BUB1: variants seen among roughly 807,000 people sequenced by gnomAD.
BUB1 encodes BUB1 mitotic checkpoint serine/threonine kinase.
BUB1 carries 84 observed loss-of-function variants against 135.2 expected under a neutral mutation model. That is an observed-to-expected ratio of 0.62 (90% CI 0.52 to 0.74). The LOEUF is 0.74. BUB1 is among the 30% of genes least tolerant of loss of function. The pLI, the probability that BUB1 is intolerant of heterozygous loss-of-function variation, is 0.00. For missense variants in BUB1, 1,162 were observed against 1,288.3 expected (o/e 0.90, Z 1.50); for synonymous variants, 403 against 434.4 (o/e 0.93, Z 0.90).
At position 110,678,048 on chromosome 2, in the gene BUB1, C is replaced by T; in HGVS notation, c.-53G>A. 6.4e-7 allele frequency: 1 copy of T among 1,564,498 alleles called. No individual in the cohort carries two copies. The highest frequency in any genetic ancestry group is 8.6e-7 in the Non-Finnish European group (1 of 1,157,676). ...CAAACCTGAACCGCAAACTAGAAGC[C>T]GCCGCCGATTCGAATACCCCGCGCA... On this transcript the variant is annotated 5_prime_UTR_variant, in exon 1 of 25. Transcript: ENST00000302759.
chr2:110,667,482 G>A, intron 8 of BUB1, 39 bp downstream of exon 8: 1 of 1,547,588 alleles, frequency 6.5e-7, no homozygotes, highest in East Asian at 2.3e-5. Flanking sequence ...ATTTTTTTAT[G>A]TGACATAAGA....
intron 1 of BUB1, among the ~76,000 whole-genome samples, chr2:110,675,849 C>G (rs1690566702): frequency 6.6e-6 from 1 of 152,112 alleles, no homozygotes; most frequent in Non-Finnish European, 1.5e-5. Flanking sequence ...TGAGGTATCA[C>G]TATATTTCGC....
chr2:110,639,974 G>C, intron 23 of BUB1, 126 bp from the exon 24 acceptor site: 2 of 821,750 alleles, frequency 2.4e-6, no homozygotes, highest in Non-Finnish European at 4.2e-6. Flanking sequence ...CATTTTGGAA[G>C]GCATTTGTTC....
At chr2:110,670,906 T>C (rs1481200771) in intron 4 of BUB1, among the ~76,000 whole-genome samples, 3 of 152,240 alleles carry the variant, frequency 2.0e-5, no homozygotes, top group Non-Finnish European at 2.9e-5. Context: ...TTAGGTTCTT[T>C]ATACATTTGG....
intron 9 of BUB1, 158 bp downstream of exon 9, chr2:110,666,105 T>C (rs1690244638): frequency 1.5e-6 from 1 of 672,088 alleles, no homozygotes; most frequent in Non-Finnish European, 2.1e-6. Flanking sequence ...ACTCTCACTC[T>C]ACATTGTGAA....
intron 18 of BUB1, among the ~76,000 whole-genome samples, chr2:110,649,831 G>A (rs1248941080): frequency 1.3e-5 from 2 of 152,202 alleles, no homozygotes; most frequent in Non-Finnish European, 2.9e-5. Context: ...TATACTTTGG[G>A]TCCACAAAAG....
chr2:110,647,469 A>C (rs1689671599), intron 19 of BUB1, among the ~76,000 whole-genome samples: 1 of 152,200 alleles, frequency 6.6e-6, no homozygotes, highest in African/African-American at 2.4e-5. Context: ...AATCCATCAC[A>C]TCAACAAAGA....
chr2:110,644,239 C>T (rs918612302), intron 19 of BUB1, among the ~76,000 whole-genome samples: 1 of 151,794 alleles, frequency 6.6e-6, no homozygotes, highest in Admixed American at 6.6e-5. Context: ...AATCCCAGCA[C>T]TTTGGGAGGC....
intron 16 of BUB1, 127 bp from the exon 17 acceptor site, chr2:110,653,650 G>A: frequency 2.7e-6 from 2 of 740,246 alleles, no homozygotes; most frequent in Non-Finnish European, 4.4e-6. Flanking sequence ...TTTCAAAATA[G>A]TGTTCCATTG....
At chr2:110,650,289 G>C (rs953203406) in intron 18 of BUB1, among the ~76,000 whole-genome samples, 15 of 152,070 alleles carry the variant, frequency 9.9e-5, no homozygotes, top group African/African-American at 3.6e-4. Context: ...TAAAAGCCTG[G>C]CACGTAGTAG....
Position 110,641,191 on chromosome 2 carries a change from T to A in BUB1, c.2798A>T (p.Asp933Val), listed in dbSNP as rs200156187. The stretch of plus-strand genomic sequence containing the variant: ...GCCAGCAGATAAATCATCTTCATCA[T>A]CCTGTTCCAAAAATCTATATTAAAC... ...FILGNGFLEQDDEDDLSAGLA... is the reference protein window; with the variant it reads ...FILGNGFLEQVDEDDLSAGLA... Residue 933 changes from aspartate to valine, a missense_variant, in exon 23 of 25, where the codon GAT becomes GTT. Coordinates refer to ENST00000302759, the MANE Select transcript of BUB1 (RefSeq NM_004336.5). The A allele has an allele frequency of 9.4e-6, 15 of 1,600,400 alleles. No homozygotes were observed. The Middle Eastern group carries it at 1.0e-3, about 108-fold the overall frequency.
At chr2:110,659,908 C>T in intron 11 of BUB1, 70 bp downstream of exon 11, 1 of 1,378,506 alleles carries the variant, frequency 7.3e-7, no homozygotes, top group East Asian at 2.4e-5. Flanking sequence ...TAAACCACAG[C>T]CACAAAATAC....
At chr2:110,671,436 T>C (rs1270242790) in intron 4 of BUB1, among the ~76,000 whole-genome samples, 1 of 152,196 alleles carries the variant, frequency 6.6e-6, no homozygotes, top group Non-Finnish European at 1.5e-5. Flanking sequence ...TTTTTCTTTT[T>C]TATGTGTGTT....
At chr2:110,644,058 C>CAAAAAAAAAAAAAAAAAAAAAAAAAGAA (rs58393999) in intron 19 of BUB1, among the ~76,000 whole-genome samples, 1 of 39,686 alleles carries the variant, frequency 2.5e-5, no homozygotes. Context: ...AACTGAAATG[C>CAAAAAAAAAAAAAAAAAAAAAAAAAGAA]AAAAAAAAAA....
At chr2:110,644,058 C>CAAAAAAAAAAAAAAAAAAAAAAAAAAAAA (rs58393999) in intron 19 of BUB1, among the ~76,000 whole-genome samples, 6 of 39,674 alleles carry the variant, frequency 1.5e-4, no homozygotes, top group Non-Finnish European at 1.7e-4. Context: ...AACTGAAATG[C>CAAAAAAAAAAAAAAAAAAAAAAAAAAAAA]AAAAAAAAAA....
chr2:110,659,873 G>T, intron 11 of BUB1, 105 bp downstream of exon 11: 2 of 764,728 alleles, frequency 2.6e-6, no homozygotes, highest in East Asian at 2.9e-5. Flanking sequence ...CTAACACTCA[G>T]GTTCATTAAG....
chr2:110,650,683 C>T lies in BUB1; in HGVS notation c.2066G>A (p.Cys689Tyr), dbSNP rs1412413783. Residue 689 changes from cysteine to tyrosine, a missense_variant, in exon 18 of 25, where the codon TGT becomes TAT. Coordinates refer to ENST00000302759, the MANE Select transcript of BUB1 (RefSeq NM_004336.5). ...SQPAAGGVLT[C>Y]EAELGVEACR... ...AGCCTCAACGCCCAACTCTGCCTCA[C>T]AGGTAAGTACCCCACCTGCAGCAGG... 1.2e-6 allele frequency: 2 copies of T among 1,614,040 alleles called. No homozygotes were observed. The highest frequency in any genetic ancestry group is 1.7e-5 in the Admixed American group (1 of 59,970).
chr2:110,663,573 A>G (rs1265387686), intron 9 of BUB1, among the ~76,000 whole-genome samples: 2 of 152,228 alleles, frequency 1.3e-5, no homozygotes, highest in African/African-American at 2.4e-5. Flanking sequence ...TCTCACCAAC[A>G]TGACAGTGAA....
At chr2:110,638,680 G>A (rs72828819) in intron 24 of BUB1, among the ~76,000 whole-genome samples, 11 of 152,216 alleles carry the variant, frequency 7.2e-5, no homozygotes, top group African/African-American at 2.7e-4. Context: ...CAAAGGAATT[G>A]TGCTCCACAT....
Sources: allele counts gnomAD v4.1 joint callset (sites outside exome capture counted in the v4.1 genomes callset), GRCh38; gene constraint gnomAD v4.1.1; transcripts MANE v1.5; gene names NCBI Gene and HGNC (gene_info 2026-07-23, HGNC 2026-07-21).